Variants in ADCY5 observed in about 807,000 individuals in gnomAD.
The protein encoded by ADCY5 is adenylate cyclase 5.
Under a neutral mutation model 119.7 loss-of-function variants are expected in ADCY5, and 30 were observed. That is an observed-to-expected ratio of 0.25 (90% CI 0.19 to 0.34). ADCY5 has a LOEUF of 0.34. ADCY5 is among the 10% of genes least tolerant of loss of function. The pLI, the probability that ADCY5 is intolerant of heterozygous loss-of-function variation, is 1.00. For missense variants in ADCY5, 1,324 were observed against 1,775.2 expected (o/e 0.75, Z 4.57); for synonymous variants, 753 against 762.2 (o/e 0.99, Z 0.20).
At chr3:123,416,815 T>G (rs1945194440) in intron 1 of ADCY5, among the ~76,000 whole-genome samples, 1 of 152,016 alleles carries the variant, frequency 6.6e-6, no homozygotes, top group Non-Finnish European at 1.5e-5. Flanking sequence ...GTGAGTGTAT[T>G]TGGCGATGAA....
intron 1 of ADCY5, among the ~76,000 whole-genome samples, chr3:123,391,190 C>T (rs375432223): frequency 2.6e-5 from 4 of 151,862 alleles, no homozygotes; most frequent in African/African-American, 7.3e-5. Context: ...GGGGAGGAGA[C>T]GGAAGGGAAA....
intron 1 of ADCY5, among the ~76,000 whole-genome samples, chr3:123,369,292 C>G (rs1361595856): frequency 6.6e-6 from 1 of 152,206 alleles, no homozygotes; most frequent in Non-Finnish European, 1.5e-5. Context: ...ACTTCCCAGT[C>G]TGCAGAACCA....
At position 123,304,136 on chromosome 3, in the gene ADCY5, G is replaced by A. The variant is rs767758322; in HGVS notation, c.2490C>T (p.Ser830=). The A allele has an allele frequency of 6.2e-7, 1 of 1,613,600 alleles. No homozygotes were observed. The highest frequency in any genetic ancestry group is 8.5e-7 in the Non-Finnish European group (1 of 1,179,834). The change falls in exon 13 of 21, where the codon TCC becomes TCT. Residue 830 remains serine (S), a synonymous_variant. Transcript: ENST00000462833. ...CCCCAACCAGGGTGCTGTTCATCTTGGACCGCACGATCTTCCTGGAGAGGG... is the reference window on the plus strand; with the variant it reads ...CCCCAACCAGGGTGCTGTTCATCTTAGACCGCACGATCTTCCTGGAGAGGG... The part of the protein sequence containing the change: ...LQTLSRKIVR[S]KMNSTLVGVF...
At chr3:123,364,168 A>G (rs1943351884) in intron 1 of ADCY5, among the ~76,000 whole-genome samples, 1 of 152,314 alleles carries the variant, frequency 6.6e-6, no homozygotes, top group South Asian at 2.1e-4. Context: ...CTTTATACCA[A>G]TGAATACTCT....
At chr3:123,329,982 C>T (rs1184196788) in intron 5 of ADCY5, among the ~76,000 whole-genome samples, 1 of 152,260 alleles carries the variant, frequency 6.6e-6, no homozygotes, top group East Asian at 1.9e-4. Flanking sequence ...GTGGAATCAA[C>T]TGTCCCCTCC....
At chr3:123,316,072 T>A (rs1453586172) in intron 11 of ADCY5, among the ~76,000 whole-genome samples, 1 of 152,178 alleles carries the variant, frequency 6.6e-6, no homozygotes, top group East Asian at 1.9e-4. Flanking sequence ...AGGGGGATAT[T>A]TTCATTCTTT....
At chr3:123,332,520 A>G (rs1251486707) in intron 4 of ADCY5, 44 bp downstream of exon 4, 7 of 1,452,524 alleles carry the variant, frequency 4.8e-6, no homozygotes, top group Non-Finnish European at 6.7e-6. Flanking sequence ...CTCCCTCAAC[A>G]GCCCAGGTCA....
intron 3 of ADCY5, among the ~76,000 whole-genome samples, chr3:123,342,948 C>A (rs1209786512): frequency 1.3e-5 from 2 of 152,212 alleles, no homozygotes; most frequent in Non-Finnish European, 2.9e-5. Context: ...GGGCTGGGGA[C>A]CTTCCATGCC....
intron 1 of ADCY5, among the ~76,000 whole-genome samples, chr3:123,391,182 G>C (rs575042419): frequency 6.6e-6 from 1 of 152,348 alleles, no homozygotes; most frequent in African/African-American, 2.4e-5. Context: ...GGGTGGGAGG[G>C]GAGGAGACGG....
intron 3 of ADCY5, among the ~76,000 whole-genome samples, chr3:123,346,608 T>TCG (rs1491441951): frequency 0.019 from 47 of 2,500 alleles, no homozygotes; most frequent in African/African-American, 0.072. Context: ...AGCCTCACCT[T>TCG]CTCTCTCTCT....
chr3:123,431,532 C>T (rs948238416), intron 1 of ADCY5, among the ~76,000 whole-genome samples: 2 of 152,140 alleles, frequency 1.3e-5, no homozygotes, highest in Non-Finnish European at 2.9e-5. Flanking sequence ...AGCTAACAAG[C>T]CTTCAGGAAT....
At chr3:123,325,191 G>A (rs1216548165) in intron 8 of ADCY5, 131 bp downstream of exon 8, 21 of 1,241,720 alleles carry the variant, frequency 1.7e-5, no homozygotes, top group Admixed American at 2.5e-5. Context: ...GGGGCAAACC[G>A]CACTTGTATT....
chr3:123,365,660 A>G (rs1185944371), intron 1 of ADCY5, among the ~76,000 whole-genome samples: 1 of 152,226 alleles, frequency 6.6e-6, no homozygotes, highest in Non-Finnish European at 1.5e-5. Flanking sequence ...GCTAAATGCA[A>G]GAGTAGGAAA....
chr3:123,394,084 C>T (rs111748460), intron 1 of ADCY5, among the ~76,000 whole-genome samples: 21 of 151,948 alleles, frequency 1.4e-4, no homozygotes, highest in African/African-American at 4.8e-4. Flanking sequence ...GAGCCAAGAT[C>T]GTGCCACTAC....
intron 8 of ADCY5, among the ~76,000 whole-genome samples, chr3:123,324,199 T>C (rs1322032913): frequency 1.3e-5 from 2 of 152,164 alleles, no homozygotes; most frequent in Admixed American, 1.3e-4. Flanking sequence ...CTGCTACATG[T>C]TGGCTAACAA....
At chr3:123,290,964 A>G in intron 18 of ADCY5, 149 bp downstream of exon 18, 1 of 1,043,464 alleles carries the variant, frequency 9.6e-7, no homozygotes, top group Non-Finnish European at 1.4e-6. Flanking sequence ...ACCTGGGGAC[A>G]CGGTCAGGTT....
chr3:123,352,404 A>C lies in ADCY5; in HGVS notation c.1284+28T>G, dbSNP rs780069590. 2 of 1,598,374 alleles carry C rather than the reference A, an allele frequency of 1.3e-6. No homozygotes were observed. Among genetic ancestry groups the C allele is most frequent in the Non-Finnish European group, 1.7e-6 (2 of 1,172,832 alleles). On this transcript the variant is annotated intron_variant, in intron 2 of 20. Coordinates refer to ENST00000462833, the MANE Select transcript of ADCY5 (RefSeq NM_183357.3). This position sits in a 1 kb window ranked among gnomAD's most constrained non-coding sequence, Gnocchi z 4.8. ...ACATCTCAGGGCTCGACTCCGTCCCACTGTGCAAGGGCAGGGGCCTCACTC... is the reference window on the plus strand; with the variant it reads ...ACATCTCAGGGCTCGACTCCGTCCCCCTGTGCAAGGGCAGGGGCCTCACTC...
chr3:123,319,873 A>T, intron 9 of ADCY5, 55 bp from the exon 10 acceptor site: 1 of 1,593,610 alleles, frequency 6.3e-7, no homozygotes, highest in Non-Finnish European at 8.6e-7. Flanking sequence ...GCACCAGCAG[A>T]GGGCTGGCTC....
intron 1 of ADCY5, among the ~76,000 whole-genome samples, chr3:123,372,559 A>G (rs1016594529): frequency 6.6e-6 from 1 of 152,160 alleles, no homozygotes. Flanking sequence ...ACGACACCAG[A>G]TGCTATTCCT....
Sources: gnomAD v4.1 joint callset for allele counts (sites outside exome capture counted in the v4.1 genomes callset) on GRCh38, gnomAD v4.1.1 for gene constraint, Gnocchi (gnomAD v3.1) non-coding constraint, MANE v1.5 for transcripts, NCBI Gene and HGNC (gene_info 2026-07-23, HGNC 2026-07-21) for gene names.